PARVA: variants seen among roughly 807,000 people sequenced by gnomAD.
PARVA encodes parvin alpha, also known as alpha-parvin.
In PARVA, 25 loss-of-function variants were observed where a neutral mutation model predicts 52.6. The ratio of observed to expected loss-of-function variants is 0.48; its 90% CI spans 0.35 to 0.66. The LOEUF (loss-of-function observed/expected upper bound fraction) is 0.66. Among genes scored for constraint, PARVA ranks in the 30% least tolerant of loss-of-function variants. The pLI, the probability that PARVA is intolerant of heterozygous loss-of-function variation, is 0.01. For missense variants in PARVA, 373 were observed against 450.9 expected (o/e 0.83, Z 1.56); for synonymous variants, 185 against 179.1 (o/e 1.03, Z -0.26).
At chr11:12,448,638 T>G (rs1430187466) in intron 1 of PARVA, among the ~76,000 whole-genome samples, 1 of 152,098 alleles carries the variant, frequency 6.6e-6, no homozygotes, top group Non-Finnish European at 1.5e-5. Flanking sequence ...GATCAGACAG[T>G]GATGCTGTTG....
chr11:12,385,627 CTA>C (rs1266804132), intron 1 of PARVA, among the ~76,000 whole-genome samples: 1 of 152,134 alleles, frequency 6.6e-6, no homozygotes, highest in African/African-American at 2.4e-5. Flanking sequence ...TTTATGAGAC[CTA>C]TGACCTGGTT....
At chr11:12,521,482 T>C (rs1032715216) in intron 12 of PARVA, among the ~76,000 whole-genome samples, 1 of 152,232 alleles carries the variant, frequency 6.6e-6, no homozygotes, top group Non-Finnish European at 1.5e-5. Flanking sequence ...TTTGTTCTCA[T>C]CTAACATAGT....
chr11:12,438,259 C>CAA lies in PARVA; in HGVS notation c.137-35470_137-35469dup, dbSNP rs1222652970. 9.7e-4 allele frequency among the ~76,000 whole-genome samples: 97 copies of CAA among 100,486 alleles called. 1 individual carries two copies. Among genetic ancestry groups the CAA allele is most frequent in the Non-Finnish European group, 9.3e-4 (45 of 48,570 alleles). The allele number at this position is 100,486 out of a possible 152,430, so 65.9% of individuals were successfully genotyped here. A position where few individuals can be genotyped will look rare whatever the true frequency, so the allele number is the denominator to read the frequency against. On this transcript the variant is annotated intron_variant, in intron 1 of 12. Transcript: ENST00000334956. ...TGGGTGACAGAGCGAGACTGCATCT[C>CAA]AAAAAAAAAAAAAAAAAGAATACCA...
chr11:12,514,466 C>T (rs1015731609), intron 10 of PARVA, among the ~76,000 whole-genome samples: 1 of 152,150 alleles, frequency 6.6e-6, no homozygotes, highest in African/African-American at 2.4e-5. Context: ...AAATTGCTGA[C>T]ATTCGACTGT....
chr11:12,486,812 C>G (rs1564859920), intron 4 of PARVA, among the ~76,000 whole-genome samples: 1 of 152,142 alleles, frequency 6.6e-6, no homozygotes, highest in Non-Finnish European at 1.5e-5. Flanking sequence ...TACCACTGCA[C>G]TCCAGCCTGG....
At chr11:12,456,793 C>T (rs1940702964) in intron 1 of PARVA, among the ~76,000 whole-genome samples, 2 of 152,100 alleles carry the variant, frequency 1.3e-5, no homozygotes, top group African/African-American at 2.4e-5. Context: ...GTGATATCCC[C>T]AGGCTCCCAT....
At chr11:12,456,956 A>G (rs1044921113) in intron 1 of PARVA, among the ~76,000 whole-genome samples, 4 of 152,204 alleles carry the variant, frequency 2.6e-5, no homozygotes, top group South Asian at 2.1e-4. Context: ...ACTTGCTCAC[A>G]TGGGTAAAAT....
At chr11:12,470,108 AGT>A (rs1940913815) in intron 1 of PARVA, among the ~76,000 whole-genome samples, 1 of 152,260 alleles carries the variant, frequency 6.6e-6, no homozygotes, top group African/African-American at 2.4e-5. Flanking sequence ...GCGCACACAC[AGT>A]CAGGCTAAAA....
chr11:12,487,605 T>G (rs1183322761), intron 4 of PARVA, among the ~76,000 whole-genome samples: 1 of 152,228 alleles, frequency 6.6e-6, no homozygotes, highest in East Asian at 1.9e-4. Flanking sequence ...ATAGTTCTGC[T>G]GAATAGCCCT....
In PARVA at chr11:12,535,287, A is replaced by G. The variant is rs1941820186; in HGVS notation, c.*7362A>G. Among the ~76,000 whole-genome samples the G allele has an allele frequency of 6.6e-6, 1 of 152,200 alleles. No individual in the cohort carries two copies. Among genetic ancestry groups the G allele is most frequent in the Non-Finnish European group, 1.5e-5 (1 of 68,028 alleles). ...TTTCATTTACAGAATTTGCCCATTC[A>G]TGTGTCTTTGTGTTTATGGATTAAA... On this transcript the variant is annotated 3_prime_UTR_variant, in exon 13 of 13. Transcript: ENST00000334956.
Position 12,496,552 on chromosome 11 carries a change from T to C in PARVA, c.495T>C (p.Asn165=), listed in dbSNP as rs777313656. ...TGCAGACTGTCCTGGAGAAGATCAA[T>C]GAAACCCTGAAACTTCCTCCCAGGA... ...QKLQTVLEKI[N]ETLKLPPRSI... The change falls in exon 5 of 13, where the codon AAT becomes AAC. Residue 165 remains asparagine (N), a synonymous_variant. Transcript: ENST00000334956. 1 of 1,611,946 alleles carries C rather than the reference T, an allele frequency of 6.2e-7. No homozygotes were observed. The highest frequency in any genetic ancestry group is 8.5e-7 in the Non-Finnish European group (1 of 1,179,200).
At chr11:12,508,945 T>C (rs753816102) in intron 7 of PARVA, among the ~76,000 whole-genome samples, 6 of 152,134 alleles carry the variant, frequency 3.9e-5, no homozygotes, top group Non-Finnish European at 5.9e-5. Flanking sequence ...CGTCATGCCA[T>C]AAACACTGGG....
intron 1 of PARVA, among the ~76,000 whole-genome samples, chr11:12,416,254 C>T (rs904990290): frequency 4.6e-5 from 7 of 152,184 alleles, no homozygotes; most frequent in South Asian, 4.1e-4. Context: ...TTCGAGGCAA[C>T]GTTAGGGCTG....
chr11:12,386,026 G>A (rs933400583), intron 1 of PARVA, among the ~76,000 whole-genome samples: 12 of 152,090 alleles, frequency 7.9e-5, no homozygotes, highest in Non-Finnish European at 1.0e-4. Flanking sequence ...TGGATTGTTC[G>A]TTCATTTTCA....
At chr11:12,467,740 TG>T (rs1342550770) in intron 1 of PARVA, among the ~76,000 whole-genome samples, 5 of 152,374 alleles carry the variant, frequency 3.3e-5, no homozygotes, top group African/African-American at 7.2e-5. Flanking sequence ...AACATCTCAC[TG>T]GGGCCCACTG....
chr11:12,443,384 A>T (rs1465686006), intron 1 of PARVA, among the ~76,000 whole-genome samples: 4 of 150,608 alleles, frequency 2.7e-5, no homozygotes, highest in South Asian at 2.1e-4. Context: ...GTTGGCCAGG[A>T]TGGTCTCAAT....
intron 4 of PARVA, among the ~76,000 whole-genome samples, chr11:12,491,603 G>A (rs1345056852): frequency 6.6e-6 from 1 of 152,046 alleles, no homozygotes; most frequent in Non-Finnish European, 1.5e-5. Context: ...AAGGCAAAAG[G>A]CATTACTACA....
chr11:12,480,708 G>A (rs1383680147), intron 4 of PARVA: 2 of 150,308 alleles, frequency 1.3e-5, no homozygotes, highest in Non-Finnish European at 2.9e-5. Context: ...CTTCTTTTGT[G>A]AACTTAAGTT....
intron 5 of PARVA, among the ~76,000 whole-genome samples, chr11:12,498,324 C>T (rs57950240): frequency 0.025 from 3,778 of 152,270 alleles, 145 homozygotes; most frequent in African/African-American, 0.086. Flanking sequence ...GCACAAGCCA[C>T]TGTGCCCAGC....
Sources: gnomAD v4.1 joint callset for allele counts (sites outside exome capture counted in the v4.1 genomes callset) on GRCh38, gnomAD v4.1.1 for gene constraint, MANE v1.5 for transcripts, NCBI Gene and HGNC (gene_info 2026-07-23, HGNC 2026-07-21) for gene names.